The following ELP4 variants were observed in gnomAD, a reference collection of about 807,000 sequenced individuals.
The protein encoded by ELP4 is elongator acetyltransferase complex subunit 4, also known as elongator complex protein 4.
In ELP4, 51 loss-of-function variants were observed where a neutral mutation model predicts 48.9. That is an observed-to-expected ratio of 1.04 (90% CI 0.83 to 1.32). ELP4 has a LOEUF of 1.32. Ranked by LOEUF, ELP4 falls within the 40% of genes most tolerant of loss-of-function variation. The probability of loss-of-function intolerance (pLI) is 0.00; values close to 1 mark genes in which losing one functional copy is unlikely to be tolerated. For missense variants in ELP4, 519 were observed against 514.6 expected (o/e 1.01, Z -0.08); for synonymous variants, 210 against 189.2 (o/e 1.11, Z -0.90).
At chr11:31,687,117 G>A (rs1054924099) in intron 9 of ELP4, among the ~76,000 whole-genome samples, 2 of 152,128 alleles carry the variant, frequency 1.3e-5, no homozygotes, top group East Asian at 1.9e-4. Flanking sequence ...GACTAGATGA[G>A]GTTGGTGTCT....
At chr11:31,591,033 T>A (rs1435017113) in intron 3 of ELP4, among the ~76,000 whole-genome samples, 3 of 152,042 alleles carry the variant, frequency 2.0e-5, no homozygotes. Context: ...TATTTGCAAA[T>A]AATATATTTG....
intron 3 of ELP4, among the ~76,000 whole-genome samples, chr11:31,560,181 A>G (rs955471296): frequency 2.0e-5 from 3 of 152,124 alleles, no homozygotes; most frequent in African/African-American, 7.2e-5. Context: ...AATGAAGATA[A>G]TATCTCACCT....
chr11:31,790,113 A>AC lies in ELP4; in HGVS notation c.*6589_*6590insC. On this transcript the variant is annotated 3_prime_UTR_variant, in exon 10 of 10. Transcript: ENST00000640961. ...ATAGGTTTACAAAAAAAAAAAAAAA[A>AC]AAAAAAACTAATACTTTCTAACATT... 5 of 793,464 alleles carry AC rather than the reference A, an allele frequency of 6.3e-6. No individual in the cohort carries two copies. The African/African-American group carries it at 7.2e-5, about 11-fold the overall frequency. 49.2% of individuals were successfully genotyped at this position (793,464 alleles called of 1,614,324 possible).
chr11:31,756,933 T>G (rs1417084657), intron 9 of ELP4, among the ~76,000 whole-genome samples: 2 of 152,234 alleles, frequency 1.3e-5, no homozygotes, highest in Non-Finnish European at 2.9e-5. Flanking sequence ...TGAGCCAGAT[T>G]AAGAGTATGA....
rs140901770 is a variant in ELP4, at chr11:31,573,396, C to T, written c.382-21374C>T. Among the ~76,000 whole-genome samples the T allele has an allele frequency of 7.1e-3, 1,076 of 152,314 alleles. 12 individuals carry two copies. The highest frequency in any genetic ancestry group is 0.025 in the African/African-American group (1,035 of 41,576). ...CGGTATCAAAATCTGTGTTAGTCAG[C>T]TCAGGCTGCCATAACAAAATACTAT... On this transcript the variant is annotated intron_variant, in intron 3 of 9. Coordinates refer to ENST00000640961, the MANE Select transcript of ELP4 (RefSeq NM_019040.5).
intron 9 of ELP4, chr11:31,652,140 A>G (rs1437361655): frequency 6.6e-6 from 1 of 151,724 alleles, no homozygotes; most frequent in African/African-American, 2.4e-5. Context: ...CAAAACACAA[A>G]TAGACTGTTG....
At chr11:31,664,588 C>T (rs956667154) in intron 9 of ELP4, 1 of 152,022 alleles carries the variant, frequency 6.6e-6, no homozygotes, top group African/African-American at 2.4e-5. Flanking sequence ...ATTTTAAATT[C>T]ATGCTTTTAT....
At chr11:31,771,468 A>C (rs1948140702) in intron 9 of ELP4, among the ~76,000 whole-genome samples, 1 of 152,172 alleles carries the variant, frequency 6.6e-6, no homozygotes, top group African/African-American at 2.4e-5. Flanking sequence ...ATTAAATCCA[A>C]GTCACTTACT....
At chr11:31,589,366 T>C (rs941122610) in intron 3 of ELP4, among the ~76,000 whole-genome samples, 5 of 152,184 alleles carry the variant, frequency 3.3e-5, no homozygotes, top group African/African-American at 4.8e-5. Context: ...AAGCTGCATA[T>C]GATCCAGTAC....
At chr11:31,619,838 G>GC (rs1944581212) in intron 5 of ELP4, among the ~76,000 whole-genome samples, 1 of 151,612 alleles carries the variant, frequency 6.6e-6, no homozygotes, top group Non-Finnish European at 1.5e-5. Context: ...CTTCCAAAAG[G>GC]CCCCAGTGTG....
chr11:31,550,555 T>G (rs946598574), intron 3 of ELP4, among the ~76,000 whole-genome samples: 2 of 152,192 alleles, frequency 1.3e-5, no homozygotes, highest in African/African-American at 4.8e-5. Context: ...TCTTTTTTAC[T>G]TTAACTGAAG....
Position 31,756,924 on chromosome 11 carries a change from G to A in ELP4, c.1144-26469G>A, listed in dbSNP as rs533957395. 3.3e-5 allele frequency among the ~76,000 whole-genome samples: 5 copies of A among 152,300 alleles called. No individual in the cohort carries two copies. In the South Asian group the frequency reaches 1.0e-3, roughly 32 times the overall value. The stretch of plus-strand genomic sequence containing the variant: ...AACGATGGCTGATAACAATGGTATT[G>A]AGCCAGATTAAGAGTATGAAGTGCA... On this transcript the variant is annotated intron_variant, in intron 9 of 9. Transcript: ENST00000640961.
chr11:31,606,405 T>C (rs1223851977), intron 5 of ELP4, among the ~76,000 whole-genome samples: 1 of 152,136 alleles, frequency 6.6e-6, no homozygotes, highest in Non-Finnish European at 1.5e-5. Context: ...AGCTGTGTCC[T>C]ACTATCATAT....
At chr11:31,566,825 T>G (rs958217658) in intron 3 of ELP4, among the ~76,000 whole-genome samples, 4 of 152,198 alleles carry the variant, frequency 2.6e-5, no homozygotes, top group African/African-American at 9.7e-5. Context: ...TTCTTAGACT[T>G]ACTTATTTTT....
rs367652802 is a variant in ELP4, at chr11:31,542,067, A to G, written c.381+2284A>G. 6.6e-5 allele frequency among the ~76,000 whole-genome samples: 10 copies of G among 152,366 alleles called. No homozygotes were observed. The East Asian group carries it at 1.3e-3, about 21-fold the overall frequency. On this transcript the variant is annotated intron_variant, in intron 3 of 9. Transcript: ENST00000640961. ...ATTTCTCCTCATGCCTGAAATAGCT[A>G]AAAAACAAAAAACAAACATAAAAAG...
chr11:31,629,880 A>T (rs1944822575), intron 6 of ELP4, among the ~76,000 whole-genome samples: 1 of 151,586 alleles, frequency 6.6e-6, no homozygotes, highest in South Asian at 2.1e-4. Flanking sequence ...AATGAACTTT[A>T]AATTCTTGCC....
At chr11:31,634,329 A>G (rs911134000) in intron 7 of ELP4, 6 of 152,086 alleles carry the variant, frequency 3.9e-5, no homozygotes, top group African/African-American at 1.2e-4. Context: ...AAAAAGTTCC[A>G]TTCTAGACAA....
chr11:31,695,131 G>C (rs1356364183), intron 9 of ELP4, among the ~76,000 whole-genome samples: 1 of 151,940 alleles, frequency 6.6e-6, no homozygotes, highest in Non-Finnish European at 1.5e-5. Context: ...CTCTCTTCCT[G>C]ATTGAATACC....
intron 9 of ELP4, among the ~76,000 whole-genome samples, chr11:31,758,427 G>A (rs974939988): frequency 2.6e-5 from 4 of 152,166 alleles, no homozygotes; most frequent in Admixed American, 2.6e-4. Context: ...AGACTTATAG[G>A]AACTTGATTG....
Sources: gnomAD v4.1 joint callset for allele counts (sites outside exome capture counted in the v4.1 genomes callset) on GRCh38, gnomAD v4.1.1 for gene constraint, MANE v1.5 for transcripts, NCBI Gene and HGNC (gene_info 2026-07-23, HGNC 2026-07-21) for gene names.